ESPN: variants seen among roughly 807,000 people sequenced by gnomAD.
ESPN encodes the protein autosomal recessive deafness type 36 protein.
In ESPN, 68 loss-of-function variants were observed where a neutral mutation model predicts 77.7. The ratio of observed to expected loss-of-function variants is 0.87; its 90% CI spans 0.72 to 1.07. ESPN has a LOEUF of 1.07. Among genes scored for constraint, ESPN ranks in the 50% least tolerant of loss-of-function variants. ESPN has a pLI of 0.00. For synonymous variants in ESPN, 449 were observed against 567.1 expected (o/e 0.79, Z 2.96); for missense variants, 1,060 against 1,239.0 (o/e 0.86, Z 2.17).
At position 6,440,712 on chromosome 1, in the gene ESPN, G is replaced by A. The variant is rs1643602032; in HGVS notation, c.762G>A (p.Lys254=). Reference sequence around the variant, plus strand: ...TCGCGGCGAGCCGCGGCCACACCAAGGTGCTCAGCTGGCTGCTGCTGCACG... The same window carrying A: ...TCGCGGCGAGCCGCGGCCACACCAAAGTGCTCAGCTGGCTGCTGCTGCACG... ...MHFAASRGHT[K]VLSWLLLHGG... Residue 254 remains lysine, a synonymous_variant, in exon 4 of 13, where the codon AAG becomes AAA. Transcript: ENST00000645284. 1.3e-6 allele frequency: 2 copies of A among 1,542,804 alleles called. No homozygotes were observed. The highest frequency in any genetic ancestry group is 1.7e-6 in the Non-Finnish European group (2 of 1,152,926).
chr1:6,461,113 A>G (rs1644157151), downstream of ESPN: 2 of 575,740 alleles, frequency 3.5e-6, no homozygotes, highest in Admixed American at 4.4e-5. This position sits in a 1 kb window ranked among gnomAD's most constrained non-coding sequence, Gnocchi z 6.3. Context: ...AGTCCAGTCC[A>G]CTTAACACCC....
At position 6,450,545 on chromosome 1, in the gene ESPN, A is replaced by C; in HGVS notation, c.1916-1058A>C. On this transcript the variant is annotated intron_variant, in intron 8 of 12. Transcript: ENST00000645284. The surrounding 1 kb of genome is among the most constrained non-coding windows in gnomAD (Gnocchi z 4.3). The stretch of plus-strand genomic sequence containing the variant: ...GGGGAAGAGGCAGGAAAAGCAAGGC[A>C]GAAGGGGCCCAGACTTGAGGAAAGG... The C allele has an allele frequency of 1.3e-6, 1 of 796,786 alleles. No individual in the cohort carries two copies. The highest frequency in any genetic ancestry group is 1.5e-6 in the Non-Finnish European group (1 of 657,102). 49.4% of individuals were successfully genotyped at this position (796,786 alleles called of 1,614,324 possible).
Position 6,441,131 on chromosome 1 carries a change from C to T in ESPN, c.990+66C>T, listed in dbSNP as rs141743548. On this transcript the variant is annotated intron_variant, in intron 5 of 12. Coordinates refer to ENST00000645284, the MANE Select transcript of ESPN (RefSeq NM_031475.3). ...GCCCCTCCACCCCAGTGGTGGGTGT[C>T]GTCACCCCTTTTACCAAGGAGGAAG... 4,068 of 1,566,906 alleles carry T rather than the reference C, an allele frequency of 2.6e-3. 91 individuals carry two copies. The African/African-American group carries it at 0.049, about 19-fold the overall frequency.
At position 6,428,571 on chromosome 1, in the gene ESPN, C is replaced by T. The variant is rs1643125631; in HGVS notation, c.488+152C>T. The T allele has an allele frequency of 5.6e-6, 4 of 714,494 alleles. 1 individual carries two copies. In the South Asian group the frequency reaches 7.9e-5, roughly 14 times the overall value. The allele number at this position is 714,494 out of a possible 1,614,324, so 44.3% of individuals were successfully genotyped here. A position where few individuals can be genotyped will look rare whatever the true frequency, so the allele number is the denominator to read the frequency against. ...GAGGGCCAGGCCAGAGAAATGGCTC[C>T]CACTCAACATGAAATTTTCCCCTCC... On this transcript the variant is annotated intron_variant, in intron 2 of 12. Transcript: ENST00000645284. The surrounding 1 kb of genome is among the most constrained non-coding windows in gnomAD (Gnocchi z 5.4).
intron 8 of ESPN, among the ~76,000 whole-genome samples, chr1:6,449,550 C>G (rs373985541): frequency 6.6e-6 from 1 of 152,160 alleles, no homozygotes; most frequent in Non-Finnish European, 1.5e-5. Context: ...CTATCCTGAG[C>G]CTCTCTTCCT....
chr1:6,455,065 TGGA>T, intron 10 of ESPN: 1 of 382,280 alleles, frequency 2.6e-6, no homozygotes, highest in Non-Finnish European at 4.6e-6. Flanking sequence ...GAGCCCATCT[TGGA>T]GGAGGACTAC....
chr1:6,453,130 GT>G (rs1643982121), intron 10 of ESPN, among the ~76,000 whole-genome samples: 1 of 152,220 alleles, frequency 6.6e-6, no homozygotes, highest in South Asian at 2.1e-4. Flanking sequence ...CTGGCCTCAA[GT>G]GATCCGCCTG....
At position 6,424,912 on chromosome 1, in the gene ESPN, G is replaced by T; in HGVS notation, c.-44G>T. On this transcript the variant is annotated 5_prime_UTR_variant, in exon 1 of 13. Coordinates refer to ENST00000645284, the MANE Select transcript of ESPN (RefSeq NM_031475.3). The stretch of plus-strand genomic sequence containing the variant: ...CGCAAGAACACGTGCATGGCGTCCT[G>T]GGGAAGGCGCTGAGTGCGGAGTCGC... 7.1e-7 allele frequency: 1 copy of T among 1,418,252 alleles called. No individual in the cohort carries two copies. The highest frequency in any genetic ancestry group is 1.5e-5 in the African/African-American group (1 of 66,680). The allele number at this position is 1,418,252 out of a possible 1,614,324, so 87.9% of individuals were successfully genotyped here. A position where few individuals can be genotyped will look rare whatever the true frequency, so the allele number is the denominator to read the frequency against.
chr1:6,439,349 A>T (rs58081810), intron 2 of ESPN, among the ~76,000 whole-genome samples: 7 of 152,306 alleles, frequency 4.6e-5, no homozygotes, highest in African/African-American at 1.7e-4. Context: ...TCCGTTTATC[A>T]GAAATTCAGA....
intron 10 of ESPN, chr1:6,455,452 G>C (rs987481926): frequency 5.0e-6 from 2 of 396,490 alleles, no homozygotes; most frequent in Admixed American, 8.8e-5. Context: ...GAGGCCCACA[G>C]CCCCGACGAA....
rs762755145 is a variant in ESPN at position 6,440,421 on chromosome 1, G to C, written c.656G>C (p.Ser219Thr). The change falls in exon 3 of 13, where the codon AGC becomes ACC. Residue 219 changes from serine to threonine, a missense_variant. Around this residue, in one of 3 missense-constraint regions of ESPN, gnomAD observed 556 missense variants for 633.6 expected, o/e 0.88. Transcript: ENST00000645284. The stretch of plus-strand genomic sequence containing the variant: ...CACGCCGCGGCGCAGATGGGCCACA[G>C]CCCAGTCATCGTGTGGTTGGTGAGC... ...PLHAAAQMGH[S>T]PVIVWLVSCT... 4 of 1,571,792 alleles carry C rather than the reference G, an allele frequency of 2.5e-6. No homozygotes were observed. The highest frequency in any genetic ancestry group is 3.4e-6 in the Non-Finnish European group (4 of 1,161,884).
In ESPN at chr1:6,428,405, C is replaced by T. The variant is rs201911254; in HGVS notation, c.474C>T (p.Val158=). ...KGDFPSLRLL[V]EHYPEGVNAQ... Reference sequence around the variant, plus strand: ...ACTTCCCCTCCCTGAGGCTTCTCGTCGAGCACTACCCTGAGTAAGATCACC... The same window carrying T: ...ACTTCCCCTCCCTGAGGCTTCTCGTTGAGCACTACCCTGAGTAAGATCACC... Residue 158 remains valine, a synonymous_variant, in exon 2 of 13, where the codon GTC becomes GTT. Coordinates refer to ENST00000645284, the MANE Select transcript of ESPN (RefSeq NM_031475.3). The surrounding 1 kb of genome is among the most constrained non-coding windows in gnomAD (Gnocchi z 5.4). 102 of 1,611,868 alleles carry T rather than the reference C, an allele frequency of 6.3e-5. No homozygotes were observed. The highest frequency in any genetic ancestry group is 7.7e-5 in the Non-Finnish European group (91 of 1,179,006).
Position 6,452,079 on chromosome 1 carries a change from G to A in ESPN, c.2308G>A (p.Glu770Lys). ...GATGCAGCTGAAGATGCAGGAGGAG[G>A]AGGAGCAGAGGCGGAAGGTGGGTGG... ...RKMQLKMQEEEEQRRKEEEEE... is the reference protein window; with the variant it reads ...RKMQLKMQEEKEQRRKEEEEE... Residue 770 changes from glutamate to lysine, a missense_variant, in exon 10 of 13, where the codon GAG becomes AAG. By Grantham distance (56) the Glu-to-Lys change is moderately conservative (BLOSUM62 1). Coordinates refer to ENST00000645284, the MANE Select transcript of ESPN (RefSeq NM_031475.3). 6.4e-7 allele frequency: 1 copy of A among 1,551,254 alleles called. No homozygotes were observed. The highest frequency in any genetic ancestry group is 1.2e-5 in the South Asian group (1 of 84,648).
chr1:6,453,197 G>A (rs1261374499), intron 10 of ESPN, among the ~76,000 whole-genome samples: 3 of 152,184 alleles, frequency 2.0e-5, no homozygotes, highest in Non-Finnish European at 4.4e-5. Context: ...CCTGGCCCCC[G>A]AGTGCCATTT....
rs1643340942 is a variant in ESPN at position 6,433,920 on chromosome 1, C to G, written c.488+5501C>G. ...GGCCTTGTTCCCTGCTGCCCTTTTT[C>G]TTTGAGACTTGAGTCTCGCTCTATC... On this transcript the variant is annotated intron_variant, in intron 2 of 12. Coordinates refer to ENST00000645284, the MANE Select transcript of ESPN (RefSeq NM_031475.3). 2.0e-5 allele frequency among the ~76,000 whole-genome samples: 3 copies of G among 152,218 alleles called. No homozygotes were observed. The South Asian group carries it at 6.2e-4, about 32-fold the overall frequency.
chr1:6,445,736 G>C lies in ESPN; in HGVS notation c.1265G>C (p.Arg422Pro). Residue 422 changes from arginine to proline, a missense_variant, in exon 7 of 13, where the codon CGG becomes CCG. Arg to Pro is a moderately radical substitution (Grantham distance 103, BLOSUM62 -2). Around this residue, in one of 3 missense-constraint regions of ESPN, gnomAD observed 556 missense variants for 633.6 expected, o/e 0.88. Transcript: ENST00000645284. The stretch of plus-strand genomic sequence containing the variant: ...CTGAACCCGGAGCTGGGCCTGCCTC[G>C]GGGCACGATTGGGAAGCCCACACCC... Reference protein sequence around the residue: ...DMLNPELGLPRGTIGKPTPPP... With the variant: ...DMLNPELGLPPGTIGKPTPPP... 8 of 1,609,348 alleles carry C rather than the reference G, an allele frequency of 5.0e-6. No homozygotes were observed. Among genetic ancestry groups the C allele is most frequent in the East Asian group, 2.2e-5 (1 of 44,806 alleles).
chr1:6,431,298 A>G (rs1569590643), intron 2 of ESPN, among the ~76,000 whole-genome samples: 1 of 152,314 alleles, frequency 6.6e-6, no homozygotes, highest in East Asian at 1.9e-4. Flanking sequence ...CGACCAGACT[A>G]GACTGGAATG....
At chr1:6,458,474 C>A (rs1043314458) in intron 12 of ESPN, among the ~76,000 whole-genome samples, 72 of 151,054 alleles carry the variant, frequency 4.8e-4, no homozygotes, top group African/African-American at 1.6e-3. Flanking sequence ...CGCCACCACG[C>A]CCGGCTAATT....
chr1:6,448,211 C>A (rs1643884023), intron 7 of ESPN: 1 of 154,462 alleles, frequency 6.5e-6, no homozygotes, highest in South Asian at 2.0e-4. Flanking sequence ...CGGCCCCGGA[C>A]CCCCGAAAGA....
Sources: allele counts gnomAD v4.1 joint callset (sites outside exome capture counted in the v4.1 genomes callset), GRCh38; gene constraint gnomAD v4.1.1; regional missense constraint gnomAD v4.1.1; non-coding constraint Gnocchi (gnomAD v3.1); transcripts MANE v1.5; gene names NCBI Gene and HGNC (gene_info 2026-07-23, HGNC 2026-07-21).